The following PTPN14 variants were observed in gnomAD, a reference collection of about 807,000 sequenced individuals.
PTPN14 encodes protein tyrosine phosphatase non-receptor type 14, also known as tyrosine-protein phosphatase non-receptor type 14.
A neutral mutation model predicts 126.8 loss-of-function variants in PTPN14; 53 were observed. The observed-to-expected ratio is 0.42, with a 90% CI of 0.34 to 0.53. The LOEUF (loss-of-function observed/expected upper bound fraction) is 0.53, where lower values mean the gene tolerates loss of function less well. Ranked by LOEUF, PTPN14 falls within the 20% of genes least tolerant of loss-of-function variation. The pLI, the probability that PTPN14 is intolerant of heterozygous loss-of-function variation, is 0.08. For synonymous variants in PTPN14, 630 were observed against 599.3 expected, an observed-to-expected ratio of 1.05 and a Z score of -0.75; for missense variants, 1,257 against 1,552.9, an observed-to-expected ratio of 0.81 and a Z score of 3.20.
chr1:214,502,236 C>T, intron 1 of PTPN14, among the ~76,000 whole-genome samples: 1 of 151,880 alleles, frequency 6.6e-6, no homozygotes, highest in East Asian at 1.9e-4. Flanking sequence ...AGGGCTGGAC[C>T]CCCTATTCCA....
At chr1:214,527,980 A>G (rs538670004) in intron 1 of PTPN14, among the ~76,000 whole-genome samples, 32 of 152,322 alleles carry the variant, frequency 2.1e-4, no homozygotes, top group African/African-American at 7.5e-4. Flanking sequence ...ACTCCTCTCT[A>G]AAGTCAAAAG....
At chr1:214,417,959 G>C (rs951805746) in intron 3 of PTPN14, among the ~76,000 whole-genome samples, 2 of 152,204 alleles carry the variant, frequency 1.3e-5, no homozygotes, top group African/African-American at 2.4e-5. Flanking sequence ...CATGCTCAGC[G>C]TAAGTCACAG....
chr1:214,490,165 C>G (rs1305337189), intron 1 of PTPN14, among the ~76,000 whole-genome samples: 1 of 152,172 alleles, frequency 6.6e-6, no homozygotes, highest in Admixed American at 6.5e-5. Context: ...GGAATCACTT[C>G]GTCAACCAAC....
intron 1 of PTPN14, among the ~76,000 whole-genome samples, chr1:214,495,437 C>G (rs2102423210): frequency 6.6e-6 from 1 of 152,182 alleles, no homozygotes; most frequent in Non-Finnish European, 1.5e-5. Flanking sequence ...TGAAAGATGA[C>G]ACCAAAACCA....
At chr1:214,365,477 C>T (rs1462881559) in intron 17 of PTPN14, among the ~76,000 whole-genome samples, 1 of 152,100 alleles carries the variant, frequency 6.6e-6, no homozygotes. Context: ...CTCAGACACT[C>T]CAAAAACCCC....
At chr1:214,362,507 A>G (rs551071064) in intron 18 of PTPN14, among the ~76,000 whole-genome samples, 1 of 152,282 alleles carries the variant, frequency 6.6e-6, no homozygotes, top group East Asian at 1.9e-4. Flanking sequence ...CCTTACTCCA[A>G]ACTGTTCCGG....
chr1:214,466,845 A>C (rs1660650237), intron 1 of PTPN14, among the ~76,000 whole-genome samples: 1 of 152,170 alleles, frequency 6.6e-6, no homozygotes, highest in Non-Finnish European at 1.5e-5. Flanking sequence ...GAATTCTTAA[A>C]GTAATAAATA....
chr1:214,402,437 CAAAA>C (rs1165595746), intron 6 of PTPN14, among the ~76,000 whole-genome samples: 2,075 of 48,100 alleles, frequency 0.043, 133 homozygotes, highest in African/African-American at 0.19. Flanking sequence ...GAGACTCTGT[CAAAA>C]AAAAAAAAAA....
intron 5 of PTPN14, among the ~76,000 whole-genome samples, chr1:214,406,000 T>TGGGGCA: frequency 6.6e-6 from 1 of 152,112 alleles, no homozygotes; most frequent in East Asian, 1.9e-4. Context: ...CAGGATACAA[T>TGGGGCA]GGGGCAGGGG....
chr1:214,443,978 G>A (rs1006217649), intron 3 of PTPN14, among the ~76,000 whole-genome samples: 1 of 152,216 alleles, frequency 6.6e-6, no homozygotes, highest in Non-Finnish European at 1.5e-5. Context: ...CAGCTCTGTG[G>A]TGGGAGTGAG....
At chr1:214,482,303 G>A (rs1661008216) in intron 1 of PTPN14, among the ~76,000 whole-genome samples, 1 of 68,342 alleles carries the variant, frequency 1.5e-5, no homozygotes, top group African/African-American at 5.5e-5. Flanking sequence ...CAGGCAAACA[G>A]AAAGGTGCTT....
At chr1:214,443,399 T>C (rs1660076710) in intron 3 of PTPN14, among the ~76,000 whole-genome samples, 1 of 152,248 alleles carries the variant, frequency 6.6e-6, no homozygotes, top group Non-Finnish European at 1.5e-5. Context: ...GCAGAAATGG[T>C]TACCAGCGCT....
Position 214,378,010 on chromosome 1 carries a change from T to G in PTPN14, c.2637A>C (p.Ser879=), listed in dbSNP as rs759760185. ...CATCAACTCGATTCTCTTCCCGCCC[T>G]GAGACTCGAGCCACCGAGAGCCCAT... The part of the protein sequence containing the change: ...ALNGLSVARV[S]GREENRVDAT... The change falls in exon 14 of 19, where the codon TCA becomes TCC. Residue 879 remains serine, a synonymous_variant. Coordinates refer to ENST00000366956, the MANE Select transcript of PTPN14 (RefSeq NM_005401.5). 5.0e-6 allele frequency: 8 copies of G among 1,613,440 alleles called. No individual in the cohort carries two copies. Among genetic ancestry groups the G allele is most frequent in the African/African-American group, 1.3e-5 (1 of 74,884 alleles).
intron 8 of PTPN14, among the ~76,000 whole-genome samples, chr1:214,397,459 G>A (rs1161271478): frequency 3.9e-5 from 6 of 152,192 alleles, no homozygotes. Context: ...GGACTGAAGT[G>A]TCAAAATAAT....
chr1:214,471,388 T>TA (rs1572021343), intron 1 of PTPN14, among the ~76,000 whole-genome samples: 1 of 152,204 alleles, frequency 6.6e-6, no homozygotes, highest in African/African-American at 2.4e-5. Flanking sequence ...GCAAAGTACT[T>TA]ATCCTCTTTT....
chr1:214,444,978 A>C (rs1660111092), intron 3 of PTPN14, among the ~76,000 whole-genome samples: 1 of 152,220 alleles, frequency 6.6e-6, no homozygotes, highest in Non-Finnish European at 1.5e-5. Context: ...GTGGGTATTT[A>C]TTCTCAGTTG....
intron 10 of PTPN14, 23 bp from the exon 11 acceptor site, chr1:214,391,068 G>A (rs1350484037): frequency 3.3e-6 from 5 of 1,530,788 alleles, no homozygotes; most frequent in African/African-American, 1.4e-5. Flanking sequence ...GTGAAAAAAT[G>A]AGAATGGTTA....
intron 13 of PTPN14, among the ~76,000 whole-genome samples, chr1:214,382,043 C>T (rs550630820): frequency 6.6e-6 from 1 of 151,924 alleles, no homozygotes; most frequent in South Asian, 2.1e-4. Context: ...ACTGGGATTA[C>T]AGGTGCACGC....
At chr1:214,518,133 TG>T (rs1655154651) in intron 1 of PTPN14, among the ~76,000 whole-genome samples, 1 of 152,176 alleles carries the variant, frequency 6.6e-6, no homozygotes, top group African/African-American at 2.4e-5. Context: ...AAGATTGAAC[TG>T]GGTACTGTAT....
Sources: gnomAD v4.1 joint callset for allele counts (sites outside exome capture counted in the v4.1 genomes callset) on GRCh38, gnomAD v4.1.1 for gene constraint, MANE v1.5 for transcripts, NCBI Gene and HGNC (gene_info 2026-07-23, HGNC 2026-07-21) for gene names.